FCER1A: variants seen among roughly 807,000 people sequenced by gnomAD.
FCER1A encodes high affinity immunoglobulin epsilon receptor subunit alpha.
In FCER1A, 24 loss-of-function variants were observed where a neutral mutation model predicts 23.6. The observed-to-expected ratio is 1.02, with a 90% CI of 0.74 to 1.43. FCER1A has a LOEUF of 1.43. FCER1A is among the 40% of genes most tolerant of loss of function. The probability of loss-of-function intolerance (pLI) is 0.00; values close to 1 mark genes in which losing one functional copy is unlikely to be tolerated. For missense variants in FCER1A, 318 were observed against 294.5 expected (o/e 1.08, Z -0.58); for synonymous variants, 121 against 108.8 (o/e 1.11, Z -0.70).
chr1:159,284,939 T>C (rs1253789546), upstream of FCER1A, among the ~76,000 whole-genome samples: 1 of 152,240 alleles, frequency 6.6e-6, no homozygotes, highest in Admixed American at 6.5e-5. Context: ...TATAATAATA[T>C]GGTTTGTTTG....
intron 1 of FCER1A, among the ~76,000 whole-genome samples, chr1:159,290,936 C>G (rs1210759862): frequency 1.3e-5 from 2 of 152,128 alleles, no homozygotes; most frequent in African/African-American, 2.4e-5. Flanking sequence ...AACTGCTTAA[C>G]AAATCAAGAA....
intron 3 of FCER1A, among the ~76,000 whole-genome samples, chr1:159,305,455 A>T (rs1275803107): frequency 6.6e-6 from 1 of 152,238 alleles, no homozygotes; most frequent in Non-Finnish European, 1.5e-5. Context: ...AGAACTAGAC[A>T]GGGTCCCTGA....
chr1:159,286,579 G>T (rs1007401328), upstream of FCER1A, among the ~76,000 whole-genome samples: 1 of 152,118 alleles, frequency 6.6e-6, no homozygotes, highest in African/African-American at 2.4e-5. Context: ...TGATCCGCCC[G>T]CCTTGGCCTC....
intron 1 of FCER1A, among the ~76,000 whole-genome samples, chr1:159,295,766 C>G (rs1652280988): frequency 6.6e-6 from 1 of 152,110 alleles, no homozygotes; most frequent in South Asian, 2.1e-4. Context: ...TTTTCTTCTT[C>G]AGAATTTAGC....
Position 159,306,048 on chromosome 1 carries a change from G to T in FCER1A, c.392G>T (p.Arg131Met). The T allele has an allele frequency of 6.2e-7, 1 of 1,613,988 alleles. No individual in the cohort carries two copies. Among genetic ancestry groups the T allele is most frequent in the Non-Finnish European group, 8.5e-7 (1 of 1,179,896 alleles). ...ATGGAGGGCCAGCCCCTCTTCCTCA[G>T]GTGCCATGGTTGGAGGAACTGGGAT... ...VVMEGQPLFL[R>M]CHGWRNWDVY... is the part of the protein sequence containing the mutation. The change falls in exon 4 of 5, where the codon AGG (arginine) becomes ATG (methionine). Residue 131 changes from arginine to methionine, a missense_variant. By Grantham distance (91) the Arg-to-Met change is moderately conservative. Transcript: ENST00000693622.
At chr1:159,293,064 A>G (rs1227260861) in intron 1 of FCER1A, among the ~76,000 whole-genome samples, 1 of 152,092 alleles carries the variant, frequency 6.6e-6, no homozygotes, top group Non-Finnish European at 1.5e-5. Context: ...TTTTCTTTAT[A>G]AATTTCAGTC....
chr1:159,294,994 T>C (rs563873503), intron 1 of FCER1A, among the ~76,000 whole-genome samples: 15 of 152,194 alleles, frequency 9.9e-5, no homozygotes, highest in Non-Finnish European at 2.2e-4. Flanking sequence ...TTGATAATTC[T>C]GAAGTTATCT....
the FCER1A span, among the ~76,000 whole-genome samples, chr1:159,284,451 T>C: frequency 6.6e-6 from 1 of 152,248 alleles, no homozygotes; most frequent in Non-Finnish European, 1.5e-5. Context: ...GTGAGATGTT[T>C]GAGTAACATT....
Position 159,306,115 on chromosome 1 carries a change from G to A in FCER1A, c.459G>A (p.Lys153=). The A allele has an allele frequency of 2.5e-6, 4 of 1,614,158 alleles. No individual in the cohort carries two copies. The highest frequency in any genetic ancestry group is 2.5e-6 in the Non-Finnish European group (3 of 1,180,030). The part of the protein sequence containing the change: ...VIYYKDGEAL[K]YWYENHNISI... ...ATTATAAGGATGGTGAAGCTCTCAA[G>A]TACTGGTATGAGAACCACAACATCT... The change falls in exon 4 of 5, where the codon AAG becomes AAA. Residue 153 remains lysine, a synonymous_variant. Coordinates refer to ENST00000693622, the MANE Select transcript of FCER1A (RefSeq NM_001387280.1).
the FCER1A span, among the ~76,000 whole-genome samples, chr1:159,284,325 C>G: frequency 6.6e-6 from 1 of 152,186 alleles, no homozygotes; most frequent in African/African-American, 2.4e-5. Context: ...TCCTTGTGCT[C>G]CCTTTGGTTC....
upstream of FCER1A, among the ~76,000 whole-genome samples, chr1:159,297,667 C>A (rs1209694469): frequency 6.6e-6 from 1 of 152,096 alleles, no homozygotes; most frequent in African/African-American, 2.4e-5. Context: ...ATTAATCTTG[C>A]ACTTAATTTC....
upstream of FCER1A, among the ~76,000 whole-genome samples, chr1:159,286,494 G>T (rs1048923187): frequency 3.9e-5 from 6 of 151,924 alleles, no homozygotes; most frequent in South Asian, 1.2e-3. Context: ...CACCACGCCC[G>T]GCTAATTTTT....
At chr1:159,290,242 G>C (rs994067045) in intron 1 of FCER1A, among the ~76,000 whole-genome samples, 2 of 152,150 alleles carry the variant, frequency 1.3e-5, no homozygotes, top group Non-Finnish European at 1.5e-5. Context: ...CTTTGAGGGA[G>C]AGGGACAATA....
chr1:159,304,378 G>T (rs1358758219), intron 3 of FCER1A, among the ~76,000 whole-genome samples, 196 bp downstream of exon 3: 2 of 152,076 alleles, frequency 1.3e-5, no homozygotes, highest in African/African-American at 4.8e-5. Flanking sequence ...GAGGCAGGTG[G>T]ATCACGAGGT....
At position 159,307,973 on chromosome 1, in the gene FCER1A, C is replaced by A; in HGVS notation, c.*41C>A. 6.8e-7 allele frequency: 1 copy of A among 1,460,010 alleles called. No homozygotes were observed. The allele number at this position is 1,460,010 out of a possible 1,614,324, so 90.4% of individuals were successfully genotyped here. A position where few individuals can be genotyped will look rare whatever the true frequency, so the allele number is the denominator to read the frequency against. On this transcript the variant is annotated 3_prime_UTR_variant, in exon 5 of 5. Transcript: ENST00000693622. ...AATATTTGCAACATTAGTTTTTTTC[C>A]AGCATCAGCAATTGCTACTCAATTG...
At chr1:159,298,935 C>A (rs576744165), upstream of FCER1A, among the ~76,000 whole-genome samples, 4 of 152,170 alleles carry the variant, frequency 2.6e-5, no homozygotes, top group African/African-American at 7.2e-5. Flanking sequence ...AAAGTGTAGA[C>A]TCAATGAATA....
intron 4 of FCER1A, 59 bp from the exon 5 acceptor site, chr1:159,307,689 C>T: frequency 7.5e-7 from 1 of 1,326,712 alleles, no homozygotes; most frequent in Non-Finnish European, 1.1e-6. Flanking sequence ...AACTCTGAAC[C>T]TCATTTTTCA....
At chr1:159,299,779 A>G (rs1403296998), upstream of FCER1A, among the ~76,000 whole-genome samples, 2 of 151,650 alleles carry the variant, frequency 1.3e-5, no homozygotes, top group African/African-American at 2.4e-5. Flanking sequence ...TTTTTTTTAT[A>G]TATAAGATAA....
intron 1 of FCER1A, among the ~76,000 whole-genome samples, chr1:159,292,671 A>G (rs1251226335): frequency 6.6e-6 from 1 of 152,134 alleles, no homozygotes; most frequent in African/African-American, 2.4e-5. Flanking sequence ...GTATACACAT[A>G]TACTATACAT....
Sources: gnomAD v4.1 joint callset for allele counts (sites outside exome capture counted in the v4.1 genomes callset) on GRCh38, gnomAD v4.1.1 for gene constraint, MANE v1.5 for transcripts, NCBI Gene and HGNC (gene_info 2026-07-23, HGNC 2026-07-21) for gene names.